INSC: variants seen among roughly 807,000 people sequenced by gnomAD.
The protein encoded by INSC is INSC spindle orientation adaptor protein.
Under a neutral mutation model 58.6 loss-of-function variants are expected in INSC, and 67 were observed. The ratio of observed to expected loss-of-function variants is 1.14; its 90% confidence interval spans 0.94 to 1.40. The LOEUF (loss-of-function observed/expected upper bound fraction) is 1.40. Ranked by LOEUF, INSC falls within the 40% of genes most tolerant of loss-of-function variation. The probability of loss-of-function intolerance (pLI) is 0.00; values close to 1 mark genes in which losing one functional copy is unlikely to be tolerated. For synonymous variants in INSC, 262 were observed against 276.1 expected (o/e 0.95, Z 0.51); for missense variants, 714 against 692.0 (o/e 1.03, Z -0.36).
In INSC at chr11:15,240,464, G is replaced by A. The variant is rs753323561; in HGVS notation, c.1411G>A (p.Glu471Lys). Residue 471 changes from glutamate to lysine, a missense_variant, in exon 12 of 13, where the codon GAG becomes AAG. Physicochemically the swap from Glu to Lys is moderately conservative, Grantham distance 56. Transcript: ENST00000379556. Reference sequence around the variant, plus strand: ...TCCTACAGGCATGTCCCGTCTCATCGAGCTCTGCAGATCCCCATCAGAGAG... The same window carrying A: ...TCCTACAGGCATGTCCCGTCTCATCAAGCTCTGCAGATCCCCATCAGAGAG... ...VRLSCMSRLIELCRSPSERNS... is the reference protein window; with the variant it reads ...VRLSCMSRLIKLCRSPSERNS... 35 of 1,613,710 alleles carry A rather than the reference G, an allele frequency of 2.2e-5. No homozygotes were observed. In the East Asian group the frequency reaches 3.3e-4, roughly 15 times the overall value.
the INSC span, among the ~76,000 whole-genome samples, chr11:15,265,337 C>G: frequency 1.3e-5 from 2 of 151,964 alleles, no homozygotes; most frequent in Non-Finnish European, 2.9e-5. Context: ...GTCATGCTAT[C>G]TTCTTAATAA....
upstream of INSC, chr11:15,114,898 C>A: frequency 1.0e-6 from 1 of 984,490 alleles, no homozygotes; most frequent in Non-Finnish European, 1.2e-6. Context: ...GGGGCGGCCT[C>A]TCGGGCTGGG....
chr11:15,139,452 T>C (rs1047322266), intron 1 of INSC, among the ~76,000 whole-genome samples: 2 of 152,170 alleles, frequency 1.3e-5, no homozygotes, highest in African/African-American at 4.8e-5. Context: ...TAAGAAGGAA[T>C]AATTTAAAAG....
chr11:15,202,792 G>A (rs762659570), intron 7 of INSC, among the ~76,000 whole-genome samples: 36 of 152,162 alleles, frequency 2.4e-4, no homozygotes, highest in Non-Finnish European at 3.1e-4. Context: ...AGGGCTTTTC[G>A]TTTGTTTGTT....
intron 2 of INSC, among the ~76,000 whole-genome samples, chr11:15,166,791 C>T (rs1849212241): frequency 6.6e-6 from 1 of 152,126 alleles, no homozygotes; most frequent in South Asian, 2.1e-4. Context: ...ATCTCAAAGT[C>T]TGGTGGAGGA....
chr11:15,149,079 T>G (rs369954673), intron 1 of INSC, 51 bp from the exon 2 acceptor site: 1 of 1,499,232 alleles, frequency 6.7e-7, no homozygotes, highest in Non-Finnish European at 8.9e-7. Flanking sequence ...AGAAAGTGAT[T>G]GTGCCTCCTC....
chr11:15,201,114 C>T (rs1850574541), intron 7 of INSC, among the ~76,000 whole-genome samples, 165 bp downstream of exon 7: 1 of 152,068 alleles, frequency 6.6e-6, no homozygotes, highest in African/African-American at 2.4e-5. Context: ...CTATGGGAGT[C>T]AGCAAAGAGG....
At chr11:15,178,469 G>C (rs772232102) in intron 5 of INSC, 22 bp downstream of exon 5, 14 of 1,603,282 alleles carry the variant, frequency 8.7e-6, no homozygotes, top group Non-Finnish European at 1.2e-5. Flanking sequence ...CTGGGCTGCA[G>C]GGAGGGGTGC....
intron 1 of INSC, among the ~76,000 whole-genome samples, chr11:15,117,950 C>T (rs1215141292): frequency 6.6e-6 from 1 of 152,202 alleles, no homozygotes; most frequent in Non-Finnish European, 1.5e-5. Flanking sequence ...CAGCTGCCAG[C>T]TCTTCCCTGT....
At chr11:15,151,596 A>T (rs1189990582) in intron 2 of INSC, among the ~76,000 whole-genome samples, 3 of 137,320 alleles carry the variant, frequency 2.2e-5, no homozygotes, top group Non-Finnish European at 5.0e-5. Context: ...CTATCTTTCC[A>T]TCTGGGATGC....
chr11:15,245,495 A>T (rs1458743036), intron 12 of INSC, among the ~76,000 whole-genome samples: 1 of 152,204 alleles, frequency 6.6e-6, no homozygotes, highest in Non-Finnish European at 1.5e-5. Context: ...TCTCAGTAGC[A>T]GAATCCCTGT....
chr11:15,147,002 C>T (rs1163719275), intron 1 of INSC, among the ~76,000 whole-genome samples: 1 of 152,158 alleles, frequency 6.6e-6, no homozygotes, highest in African/African-American at 2.4e-5. Context: ...TTTCCTGTCT[C>T]CTCTCCTACC....
At chr11:15,149,446 C>T (rs1590363510) in intron 2 of INSC, among the ~76,000 whole-genome samples, 2 of 152,112 alleles carry the variant, frequency 1.3e-5, no homozygotes, top group East Asian at 3.9e-4. Context: ...TATCCCAGTC[C>T]CTAATGAGCT....
Sources: allele counts gnomAD v4.1 joint callset (sites outside exome capture counted in the v4.1 genomes callset), GRCh38; gene constraint gnomAD v4.1.1; transcripts MANE v1.5; gene names NCBI Gene and HGNC (gene_info 2026-07-23, HGNC 2026-07-21).